Variants in XIRP2 observed in about 807,000 individuals in gnomAD.
XIRP2 encodes the protein xin actin-binding repeat-containing protein 2.
XIRP2 carries 236 observed loss-of-function variants against 277.0 expected under a neutral mutation model. The ratio of observed to expected loss-of-function variants is 0.85; its 90% confidence interval spans 0.77 to 0.95. The LOEUF (loss-of-function observed/expected upper bound fraction) is 0.95. XIRP2 is among the 40% of genes least tolerant of loss of function. The pLI, the probability that XIRP2 is intolerant of heterozygous loss-of-function variation, is 0.00. For synonymous variants in XIRP2, 1,490 were observed against 1,416.5 expected (o/e 1.05, Z -1.17); for missense variants, 4,640 against 4,157.5 (o/e 1.12, Z -3.19).
At chr2:167,165,584 C>T (rs1692502148) in intron 3 of XIRP2, among the ~76,000 whole-genome samples, 1 of 152,170 alleles carries the variant, frequency 6.6e-6, no homozygotes, top group Non-Finnish European at 1.5e-5. Flanking sequence ...ACTTGAAGTT[C>T]TTTGACGATG....
intron 3 of XIRP2, among the ~76,000 whole-genome samples, chr2:167,190,860 T>C (rs1438676286): frequency 6.6e-6 from 1 of 152,054 alleles, no homozygotes; most frequent in African/African-American, 2.4e-5. Context: ...CCACAGAAGG[T>C]AATCCACATT....
At chr2:166,996,546 G>A (rs1393172141) in intron 2 of XIRP2, among the ~76,000 whole-genome samples, 1 of 152,154 alleles carries the variant, frequency 6.6e-6, no homozygotes, top group Non-Finnish European at 1.5e-5. Flanking sequence ...AGAATTGCTT[G>A]ACCCCAGGAG....
chr2:166,928,909 T>C (rs187713492), intron 2 of XIRP2, among the ~76,000 whole-genome samples: 42 of 152,216 alleles, frequency 2.8e-4, no homozygotes, highest in Non-Finnish European at 4.9e-4. Context: ...GGAGTAATTC[T>C]TGGGATACTT....
rs369265827 is a variant in XIRP2, at chr2:167,250,762, A to G, written c.9370A>G (p.Ile3124Val). The G allele has an allele frequency of 1.1e-5, 17 of 1,613,492 alleles. No homozygotes were observed. The highest frequency in any genetic ancestry group is 1.4e-5 in the Non-Finnish European group (17 of 1,179,748). Residue 3124 changes from isoleucine to valine, a missense_variant, in exon 9 of 11, where the codon ATC becomes GTC. Physicochemically the swap from Ile to Val is conservative, Grantham distance 29 (BLOSUM62 3). Transcript: ENST00000409195. ...LKTRPPSPTFITIESTARRTE... is the reference protein window; with the variant it reads ...LKTRPPSPTFVTIESTARRTE... ...AACACGCCCACCGTCACCAACTTTT[A>G]TCACAATAGAATCTACTGCCCGACG...
At chr2:166,939,679 CAAAAA>C (rs138977006) in intron 2 of XIRP2, among the ~76,000 whole-genome samples, 1 of 90,672 alleles carries the variant, frequency 1.1e-5, no homozygotes, top group South Asian at 3.2e-4. Flanking sequence ...GACTCCATCA[CAAAAA>C]AAAAAAAAAA....
chr2:166,914,769 G>A (rs1464429668), intron 2 of XIRP2, among the ~76,000 whole-genome samples: 1 of 152,090 alleles, frequency 6.6e-6, no homozygotes, highest in East Asian at 1.9e-4. Context: ...TATGATTGTG[G>A]AGTTTTTCTC....
chr2:166,927,315 C>T (rs1044088221), intron 2 of XIRP2, among the ~76,000 whole-genome samples: 1 of 152,074 alleles, frequency 6.6e-6, no homozygotes, highest in African/African-American at 2.4e-5. Context: ...ATAAATCAAA[C>T]CTAGTGGCTT....
At chr2:167,131,059 T>A (rs896244518) in intron 2 of XIRP2, among the ~76,000 whole-genome samples, 1 of 152,122 alleles carries the variant, frequency 6.6e-6, no homozygotes, top group Admixed American at 6.6e-5. Context: ...CAGATACCCC[T>A]ATGTTCATTA....
At chr2:167,032,706 A>C (rs1385910336) in intron 2 of XIRP2, among the ~76,000 whole-genome samples, 1 of 152,204 alleles carries the variant, frequency 6.6e-6, no homozygotes, top group Non-Finnish European at 1.5e-5. Flanking sequence ...GCTCATCATC[A>C]CTGATATTAG....
At chr2:166,889,333 C>T (rs895351263) in intron 1 of XIRP2, among the ~76,000 whole-genome samples, 2 of 152,182 alleles carry the variant, frequency 1.3e-5, no homozygotes, top group African/African-American at 4.8e-5. Flanking sequence ...CACTCGCCCC[C>T]AGACACCTCC....
intron 2 of XIRP2, among the ~76,000 whole-genome samples, chr2:166,914,175 A>T (rs1299750925): frequency 6.6e-6 from 1 of 152,222 alleles, no homozygotes; most frequent in Non-Finnish European, 1.5e-5. Context: ...GGCTGACATG[A>T]TGCAGGGCCA....
intron 2 of XIRP2, among the ~76,000 whole-genome samples, chr2:167,012,569 G>T (rs560967752): frequency 6.6e-6 from 1 of 151,660 alleles, no homozygotes; most frequent in South Asian, 2.1e-4. Flanking sequence ...TTTCTTTCTA[G>T]ATTTAAAGTT....
intron 3 of XIRP2, among the ~76,000 whole-genome samples, chr2:167,170,802 T>G (rs2105348701): frequency 6.6e-6 from 1 of 152,144 alleles, no homozygotes; most frequent in South Asian, 2.1e-4. Flanking sequence ...TCTAATCTTA[T>G]TTTTCCTATT....
At position 167,248,970 on chromosome 2, in the gene XIRP2, G is replaced by T. The variant is rs770352542; in HGVS notation, c.7578G>T (p.Glu2526Asp). 1 of 1,613,696 alleles carries T rather than the reference G, an allele frequency of 6.2e-7. No homozygotes were observed. Among genetic ancestry groups the T allele is most frequent in the Non-Finnish European group, 8.5e-7 (1 of 1,179,810 alleles). Residue 2526 changes from glutamate (E) to aspartate (D), a missense_variant, in exon 9 of 11, where the codon GAG becomes GAT. By Grantham distance (45) the Glu-to-Asp change is conservative. Coordinates refer to ENST00000409195, the MANE Select transcript of XIRP2 (RefSeq NM_152381.6). ...APLIKSHSFP[E>D]SSGQQNPKPY... ...TTATAAAATCTCATTCATTTCCAGA[G>T]AGTTCAGGACAACAAAATCCAAAAC...
chr2:167,254,287 C>G, intron 10 of XIRP2, 122 bp downstream of exon 10: 1 of 1,176,256 alleles, frequency 8.5e-7, no homozygotes, highest in Admixed American at 3.7e-5. Flanking sequence ...AACACAACCA[C>G]ACAGGGAGAT....
intron 2 of XIRP2, among the ~76,000 whole-genome samples, chr2:166,973,786 T>A (rs1345843920): frequency 6.6e-6 from 1 of 152,224 alleles, no homozygotes; most frequent in African/African-American, 2.4e-5. Flanking sequence ...GCCCAAAGCA[T>A]AAAGACATAT....
At chr2:166,996,396 C>T (rs942519845) in intron 2 of XIRP2, among the ~76,000 whole-genome samples, 6 of 152,032 alleles carry the variant, frequency 3.9e-5, no homozygotes, top group African/African-American at 1.2e-4. Flanking sequence ...TTTGGGTGGC[C>T]GAGGCAGGCA....
At chr2:167,082,464 A>C (rs1031347650) in intron 2 of XIRP2, among the ~76,000 whole-genome samples, 8 of 151,970 alleles carry the variant, frequency 5.3e-5, no homozygotes, top group African/African-American at 1.9e-4. Flanking sequence ...TATACCCAGT[A>C]ATGGGATGGC....
chr2:167,154,165 G>A (rs971692093), intron 3 of XIRP2, among the ~76,000 whole-genome samples: 65 of 149,510 alleles, frequency 4.3e-4, no homozygotes, highest in Non-Finnish European at 3.7e-4. Flanking sequence ...GCCAGTGATG[G>A]TGAGCATTTT....
Sources: gnomAD v4.1 joint callset for allele counts (sites outside exome capture counted in the v4.1 genomes callset) on GRCh38, gnomAD v4.1.1 for gene constraint, MANE v1.5 for transcripts, NCBI Gene and HGNC (gene_info 2026-07-23, HGNC 2026-07-21) for gene names.